The following RNF187 variants were observed in gnomAD, a reference collection of about 807,000 sequenced individuals.
RNF187 encodes E3 ubiquitin-protein ligase RNF187.
In RNF187, 18 loss-of-function variants were observed where a neutral mutation model predicts 22.2. The observed-to-expected ratio is 0.81, with a 90% CI of 0.56 to 1.20. The LOEUF (loss-of-function observed/expected upper bound fraction) is 1.20. RNF187 is among the 50% of genes most tolerant of loss of function. RNF187 has a pLI of 0.00. For missense variants in RNF187, 329 were observed against 317.6 expected (o/e 1.04, Z -0.27); for synonymous variants, 164 against 140.9 (o/e 1.16, Z -1.16).
chr1:228,488,929 C>T, intron 1 of RNF187, 31 bp from the exon 2 acceptor site: 10 of 1,524,596 alleles, frequency 6.6e-6, no homozygotes, highest in Middle Eastern at 1.7e-4. Flanking sequence ...AGAGCTTCTG[C>T]CCACCCCTGG....
chr1:228,489,341 C>T, intron 2 of RNF187, among the ~76,000 whole-genome samples: 1 of 152,008 alleles, frequency 6.6e-6, no homozygotes, highest in Non-Finnish European at 1.5e-5. Context: ...GACAGAGTCT[C>T]ACTTCATTAC....
In RNF187 at chr1:228,493,045, G is replaced by A; in HGVS notation, c.484-8G>A. On this transcript the variant is annotated splice_region_variant and splice_polypyrimidine_tract_variant and intron_variant, in intron 2 of 3. Coordinates refer to ENST00000305943, the MANE Select transcript of RNF187 (RefSeq NM_001010858.3). This position sits in a 1 kb window ranked among gnomAD's most constrained non-coding sequence, Gnocchi z 4.7. ...GGACACAGGTCTTTTCCTGCCACCC[G>A]TTTGCAGGGACACGTGATGGACCGT... 1.4e-5 allele frequency: 22 copies of A among 1,536,344 alleles called. No individual in the cohort carries two copies. The East Asian group carries it at 2.2e-4, about 15-fold the overall frequency.
At chr1:228,490,954 ATTTACTGTCC>A in intron 2 of RNF187, among the ~76,000 whole-genome samples, 1 of 152,096 alleles carries the variant, frequency 6.6e-6, no homozygotes, top group Admixed American at 6.5e-5. Context: ...CCACTCAAGG[ATTTACTGTCC>A]CCTTGGCCAT....
At chr1:228,488,606 C>T in intron 1 of RNF187, 8 of 191,104 alleles carry the variant, frequency 4.2e-5, no homozygotes, top group Non-Finnish European at 8.8e-5. Flanking sequence ...GGGGGTCCTG[C>T]CACCGGGCAG....
chr1:228,494,627 AT>A lies in RNF187; in HGVS notation c.*743del. 1 of 985,490 alleles carries A rather than the reference AT, an allele frequency of 1.0e-6. No homozygotes were observed. The allele number at this position is 985,490 out of a possible 1,614,324, so 61.0% of individuals were successfully genotyped here. On this transcript the variant is annotated 3_prime_UTR_variant, in exon 4 of 4. Transcript: ENST00000305943. ...CCATTTAGCATCTCCAGGCCCTGCC[AT>A]CGTGTCTCATCTTGCTGTTATCTCT...
intron 2 of RNF187, among the ~76,000 whole-genome samples, chr1:228,490,165 G>T: frequency 6.6e-6 from 1 of 152,216 alleles, no homozygotes; most frequent in South Asian, 2.1e-4. Context: ...GTAACTGGCT[G>T]CATCTCGAGG....
At chr1:228,492,374 G>C in intron 2 of RNF187, among the ~76,000 whole-genome samples, 1 of 148,870 alleles carries the variant, frequency 6.7e-6, no homozygotes, top group Non-Finnish European at 1.5e-5. Flanking sequence ...TTTTTTTTTT[G>C]TTTTTTGTTT....
chr1:228,490,887 T>A, intron 2 of RNF187, among the ~76,000 whole-genome samples: 1 of 152,100 alleles, frequency 6.6e-6, no homozygotes, highest in Non-Finnish European at 1.5e-5. Context: ...GCTGGCAAGA[T>A]GGGTGTGTGT....
In RNF187 at chr1:228,495,260, T is replaced by G; in HGVS notation, c.*1375T>G. 4.4e-6 allele frequency: 1 copy of G among 225,666 alleles called. No homozygotes were observed. Among genetic ancestry groups the G allele is most frequent in the Non-Finnish European group, 7.4e-6 (1 of 135,378 alleles). The allele number at this position is 225,666 out of a possible 1,614,324, so 14.0% of individuals were successfully genotyped here. A position where few individuals can be genotyped will look rare whatever the true frequency, so the allele number is the denominator to read the frequency against. ...TGAGGGGGCTCTGGCTAAACCCACCTCACAGAGTCCTTGCTGCAGGCAGGC... is the reference window on the plus strand; with the variant it reads ...TGAGGGGGCTCTGGCTAAACCCACCGCACAGAGTCCTTGCTGCAGGCAGGC... On this transcript the variant is annotated 3_prime_UTR_variant, in exon 4 of 4. Coordinates refer to ENST00000305943, the MANE Select transcript of RNF187 (RefSeq NM_001010858.3).
In RNF187 at chr1:228,494,316, A is replaced by G; in HGVS notation, c.*431A>G. 1.8e-6 allele frequency: 2 copies of G among 1,084,502 alleles called. No individual in the cohort carries two copies. Among genetic ancestry groups the G allele is most frequent in the Non-Finnish European group, 2.3e-6 (2 of 887,918 alleles). 67.2% of individuals were successfully genotyped at this position (1,084,502 alleles called of 1,614,324 possible). ...AGTGTCGGATTTGGGGTTAGCATCC[A>G]GAAAGAAGAATGCGCATGACGCTCT... On this transcript the variant is annotated 3_prime_UTR_variant, in exon 4 of 4. Coordinates refer to ENST00000305943, the MANE Select transcript of RNF187 (RefSeq NM_001010858.3).
At chr1:228,488,706 C>T in intron 1 of RNF187, among the ~76,000 whole-genome samples, 1 of 152,266 alleles carries the variant, frequency 6.6e-6, no homozygotes, top group African/African-American at 2.4e-5. Context: ...AACAGGGCCA[C>T]TTACAGACAC....
chr1:228,494,922 G>C lies in RNF187; in HGVS notation c.*1037G>C. ...GGTGCGATGTCTGTGAGTTTGACCT[G>C]CCCAGCGTGTGGGCTGGCTCAATGC... On this transcript the variant is annotated 3_prime_UTR_variant, in exon 4 of 4. Coordinates refer to ENST00000305943, the MANE Select transcript of RNF187 (RefSeq NM_001010858.3). 6.1e-6 allele frequency: 6 copies of C among 985,414 alleles called. No individual in the cohort carries two copies. Among genetic ancestry groups the C allele is most frequent in the Non-Finnish European group, 7.2e-6 (6 of 829,970 alleles). The allele number at this position is 985,414 out of a possible 1,614,324, so 61.0% of individuals were successfully genotyped here.
intron 2 of RNF187, among the ~76,000 whole-genome samples, chr1:228,491,681 C>G: frequency 2.0e-5 from 3 of 151,982 alleles, no homozygotes; most frequent in Non-Finnish European, 2.9e-5. Context: ...CTCAAGTGAT[C>G]CAACCACCTC....
At position 228,495,538 on chromosome 1, in the gene RNF187, C is replaced by G; in HGVS notation, c.*1653C>G. 1 of 985,362 alleles carries G rather than the reference C, an allele frequency of 1.0e-6. No individual in the cohort carries two copies. Among genetic ancestry groups the G allele is most frequent in the African/African-American group, 1.7e-5 (1 of 57,198 alleles). The allele number at this position is 985,362 out of a possible 1,614,324, so 61.0% of individuals were successfully genotyped here. A position where few individuals can be genotyped will look rare whatever the true frequency, so the allele number is the denominator to read the frequency against. On this transcript the variant is annotated 3_prime_UTR_variant, in exon 4 of 4. Transcript: ENST00000305943. ...TTGTCTTTCTCACTGTCTCCGCCTG[C>G]TGCAGTCTGCTGTCATCCCTGAGCA...
In RNF187 at chr1:228,492,990, G is replaced by A; in HGVS notation, c.484-63G>A. 1.2e-5 allele frequency: 17 copies of A among 1,472,514 alleles called. No individual in the cohort carries two copies. In the South Asian group the frequency reaches 1.9e-4, roughly 17 times the overall value. The allele number at this position is 1,472,514 out of a possible 1,614,324, so 91.2% of individuals were successfully genotyped here. On this transcript the variant is annotated intron_variant, in intron 2 of 3. Coordinates refer to ENST00000305943, the MANE Select transcript of RNF187 (RefSeq NM_001010858.3). Reference sequence around the variant, plus strand: ...TTCTTAACTCCTTCAAGAGCAAACAGGTTCCCCTTCCCCTGGGGAGGGTGG... The same window carrying A: ...TTCTTAACTCCTTCAAGAGCAAACAAGTTCCCCTTCCCCTGGGGAGGGTGG...
At chr1:228,487,946 C>T in intron 1 of RNF187, 68 bp downstream of exon 1, 3 of 960,092 alleles carry the variant, frequency 3.1e-6, no homozygotes, top group Non-Finnish European at 3.8e-6. Flanking sequence ...CCGCCCCGGT[C>T]CCCCTGAGCC....
At chr1:228,488,935 C>T in intron 1 of RNF187, 25 bp from the exon 2 acceptor site, 3 of 1,538,042 alleles carry the variant, frequency 2.0e-6, no homozygotes, top group South Asian at 1.2e-5. Context: ...TCTGCCCACC[C>T]CTGGTGACCT....
Position 228,494,278 on chromosome 1 carries a change from A to AG in RNF187, c.*395dup. 2.6e-6 allele frequency: 3 copies of AG among 1,170,724 alleles called. No individual in the cohort carries two copies. Among genetic ancestry groups the AG allele is most frequent in the East Asian group, 9.3e-5 (2 of 21,524 alleles). 72.5% of individuals were successfully genotyped at this position (1,170,724 alleles called of 1,614,324 possible). A position where few individuals can be genotyped will look rare whatever the true frequency, so the allele number is the denominator to read the frequency against. On this transcript the variant is annotated 3_prime_UTR_variant, in exon 4 of 4. Transcript: ENST00000305943. ...CCCACAGATCCTTGGCAGGTACCTG[A>AG]GGTGCACCATTGAGTGTCGGATTTG...
chr1:228,494,789 G>A lies in RNF187; in HGVS notation c.*904G>A. 2 of 985,400 alleles carry A rather than the reference G, an allele frequency of 2.0e-6. No individual in the cohort carries two copies. Among genetic ancestry groups the A allele is most frequent in the Admixed American group, 6.2e-5 (1 of 16,258 alleles). 61.0% of individuals were successfully genotyped at this position (985,400 alleles called of 1,614,324 possible). A position where few individuals can be genotyped will look rare whatever the true frequency, so the allele number is the denominator to read the frequency against. On this transcript the variant is annotated 3_prime_UTR_variant, in exon 4 of 4. Transcript: ENST00000305943. ...TCAGCACTGGGGACAGGATTGCAAA[G>A]TCGGGGACATAGATGCAGACAGTTG...
Sources: allele counts gnomAD v4.1 joint callset (sites outside exome capture counted in the v4.1 genomes callset), GRCh38; gene constraint gnomAD v4.1.1; non-coding constraint Gnocchi (gnomAD v3.1); transcripts MANE v1.5; gene names NCBI Gene and HGNC (gene_info 2026-07-23, HGNC 2026-07-21).